The following BRINP3 variants were observed in gnomAD, a reference collection of about 807,000 sequenced individuals.
BRINP3 encodes BMP/retinoic acid inducible neural specific 3.
A neutral mutation model predicts 71.0 loss-of-function variants in BRINP3; 19 were observed. The observed-to-expected ratio is 0.27, with a 90% CI of 0.19 to 0.39. The LOEUF (loss-of-function observed/expected upper bound fraction) is 0.39. Ranked by LOEUF, BRINP3 falls within the 10% of genes least tolerant of loss-of-function variation. The pLI, the probability that BRINP3 is intolerant of heterozygous loss-of-function variation, is 1.00. For missense variants in BRINP3, 959 were observed against 940.8 expected (o/e 1.02, Z -0.25); for synonymous variants, 380 against 337.7 (o/e 1.13, Z -1.37).
intron 2 of BRINP3, among the ~76,000 whole-genome samples, chr1:190,336,243 G>T (rs1667274533): frequency 6.6e-6 from 1 of 151,938 alleles, no homozygotes; most frequent in East Asian, 1.9e-4. Flanking sequence ...TGCAGTTGGT[G>T]CCTTGAGATA....
At chr1:190,274,143 T>C (rs1359483411) in intron 3 of BRINP3, among the ~76,000 whole-genome samples, 1 of 151,534 alleles carries the variant, frequency 6.6e-6, no homozygotes, top group Non-Finnish European at 1.5e-5. Context: ...AGAGTCCTTC[T>C]TCATTCCCAA....
At chr1:190,374,971 A>C (rs1307498847) in intron 2 of BRINP3, among the ~76,000 whole-genome samples, 1 of 152,040 alleles carries the variant, frequency 6.6e-6, no homozygotes. Context: ...CAATAATTTA[A>C]AAAATGGGTT....
chr1:190,263,211 C>T (rs1004484739), intron 4 of BRINP3, among the ~76,000 whole-genome samples: 2 of 152,154 alleles, frequency 1.3e-5, no homozygotes, highest in Non-Finnish European at 2.9e-5. Context: ...TCCTCAGCAA[C>T]CACAAGCTAA....
chr1:190,238,619 C>G (rs186719169), intron 4 of BRINP3, among the ~76,000 whole-genome samples: 1 of 152,086 alleles, frequency 6.6e-6, no homozygotes, highest in Non-Finnish European at 1.5e-5. Context: ...TATAAGCATA[C>G]AAAGCCAGAC....
intron 2 of BRINP3, among the ~76,000 whole-genome samples, chr1:190,453,203 ATTTTTTTTTTTTTTT>A (rs1190785225): frequency 0.011 from 434 of 40,928 alleles, 10 homozygotes; most frequent in African/African-American, 0.035. Context: ...AAACTTTAGT[ATTTTTTTTTTTTTTT>A]TTTTTTTTTT....
chr1:190,409,391 C>CA (rs993953016), intron 2 of BRINP3, among the ~76,000 whole-genome samples: 2 of 151,898 alleles, frequency 1.3e-5, no homozygotes, highest in Non-Finnish European at 1.5e-5. Flanking sequence ...GAAAAACACA[C>CA]AAAAAAAGAA....
At chr1:190,308,005 G>T (rs1367451572) in intron 2 of BRINP3, among the ~76,000 whole-genome samples, 1 of 151,882 alleles carries the variant, frequency 6.6e-6, no homozygotes, top group African/African-American at 2.4e-5. Flanking sequence ...TAACCCAGAT[G>T]AACTTAAACT....
At chr1:190,426,961 A>T (rs1673747770) in intron 2 of BRINP3, among the ~76,000 whole-genome samples, 1 of 151,876 alleles carries the variant, frequency 6.6e-6, no homozygotes, top group Admixed American at 6.6e-5. Flanking sequence ...TTCTGCCTGT[A>T]ACATCAGAGT....
At chr1:190,295,918 T>C (rs1460464290) in intron 2 of BRINP3, among the ~76,000 whole-genome samples, 2 of 152,164 alleles carry the variant, frequency 1.3e-5, no homozygotes, top group Admixed American at 1.3e-4. Context: ...GTGATTAATT[T>C]TGTTCTTTTG....
intron 2 of BRINP3, among the ~76,000 whole-genome samples, chr1:190,417,024 A>G (rs1284926441): frequency 6.6e-6 from 1 of 152,194 alleles, no homozygotes; most frequent in Non-Finnish European, 1.5e-5. Context: ...CTTACTTCAG[A>G]AACTAAAATT....
intron 2 of BRINP3, among the ~76,000 whole-genome samples, chr1:190,365,479 A>C (rs1353763449): frequency 6.7e-6 from 1 of 149,874 alleles, no homozygotes; most frequent in Non-Finnish European, 1.5e-5. Flanking sequence ...AAATATTATA[A>C]TATTAATTAT....
chr1:190,113,587 T>A (rs531823280), intron 7 of BRINP3, among the ~76,000 whole-genome samples: 1 of 152,258 alleles, frequency 6.6e-6, no homozygotes, highest in African/African-American at 2.4e-5. Context: ...TTTCTAAACA[T>A]CTGGAATTAC....
intron 2 of BRINP3, among the ~76,000 whole-genome samples, chr1:190,400,436 A>G (rs890709572): frequency 1.3e-5 from 2 of 152,206 alleles, no homozygotes; most frequent in South Asian, 2.1e-4. Flanking sequence ...TTACTGGGTG[A>G]TGTGTATTAC....
intron 6 of BRINP3, among the ~76,000 whole-genome samples, chr1:190,206,983 G>A (rs1306789767): frequency 6.9e-6 from 1 of 145,950 alleles, no homozygotes; most frequent in Admixed American, 6.9e-5. Flanking sequence ...TTTTTGTTTT[G>A]TTTTGTTTTT....
intron 6 of BRINP3, among the ~76,000 whole-genome samples, chr1:190,198,825 C>T (rs1192256850): frequency 6.6e-6 from 1 of 152,096 alleles, no homozygotes; most frequent in Non-Finnish European, 1.5e-5. Context: ...GTCTTTTGAT[C>T]CCTCCAAACT....
At chr1:190,415,662 A>G (rs1558266728) in intron 2 of BRINP3, among the ~76,000 whole-genome samples, 2 of 152,242 alleles carry the variant, frequency 1.3e-5, no homozygotes, top group Middle Eastern at 6.8e-3. Context: ...TCAAATAGGG[A>G]TGCTGAGGTG....
At chr1:190,199,973 A>T (rs905552989) in intron 6 of BRINP3, among the ~76,000 whole-genome samples, 1 of 152,096 alleles carries the variant, frequency 6.6e-6, no homozygotes. Flanking sequence ...CTCTTAGTTT[A>T]TGATACTGCA....
intron 2 of BRINP3, among the ~76,000 whole-genome samples, chr1:190,358,510 C>A (rs898824962): frequency 6.6e-6 from 1 of 152,162 alleles, no homozygotes; most frequent in Non-Finnish European, 1.5e-5. Context: ...AGTCAGGGAA[C>A]AACAGGTGCT....
intron 6 of BRINP3, among the ~76,000 whole-genome samples, chr1:190,200,221 C>G (rs1240287672): frequency 6.6e-6 from 1 of 152,076 alleles, no homozygotes; most frequent in Non-Finnish European, 1.5e-5. Flanking sequence ...TTTTATAACT[C>G]TTATGGCTAC....
Sources: gnomAD v4.1 joint callset for allele counts (sites outside exome capture counted in the v4.1 genomes callset) on GRCh38, gnomAD v4.1.1 for gene constraint, MANE v1.5 for transcripts, NCBI Gene and HGNC (gene_info 2026-07-23, HGNC 2026-07-21) for gene names.